The following DNASE1 variants were observed in gnomAD, a reference collection of about 807,000 sequenced individuals.
DNASE1 encodes the protein deoxyribonuclease 1, also known as deoxyribonuclease-1.
In DNASE1, 40 loss-of-function variants were observed where a neutral mutation model predicts 33.9. That is an observed-to-expected ratio of 1.18 (90% confidence interval 0.92 to 1.54). DNASE1 has a LOEUF of 1.54. Among genes scored for constraint, DNASE1 ranks in the 40% most tolerant of loss-of-function variants. The pLI is 0.00. For synonymous variants in DNASE1, 216 were observed against 160.0 expected (o/e 1.35, Z -2.64); for missense variants, 518 against 372.6 (o/e 1.39, Z -3.21).
chr16:3,660,737 G>T (rs2043025248), downstream of DNASE1: 1 of 152,060 alleles, frequency 6.6e-6, no homozygotes, highest in South Asian at 2.1e-4. Flanking sequence ...AATGACAAAA[G>T]AAAAAAACTA....
chr16:3,659,631 C>T (rs894759646), downstream of DNASE1: 15 of 152,154 alleles, frequency 9.9e-5, no homozygotes, highest in Admixed American at 2.6e-4. Context: ...CTCTGGGGAA[C>T]TGTAAATTTG....
At chr16:3,612,916 C>G (rs1052192745) in intron 1 of DNASE1, among the ~76,000 whole-genome samples, 3 of 152,110 alleles carry the variant, frequency 2.0e-5, no homozygotes, top group Admixed American at 2.0e-4. Context: ...AGTAGTGTGC[C>G]TCCAGTCACT....
At chr16:3,643,944 G>C (rs1401514586) in intron 1 of DNASE1, among the ~76,000 whole-genome samples, 1 of 151,752 alleles carries the variant, frequency 6.6e-6, no homozygotes, top group Non-Finnish European at 1.5e-5. Context: ...TGTATTTTTA[G>C]TAGAGATGGG....
chr16:3,657,943 T>C lies in DNASE1; in HGVS notation c.839T>C (p.Met280Thr), dbSNP rs1382112925. 6.2e-7 allele frequency: 1 copy of C among 1,613,982 alleles called. No homozygotes were observed. Among genetic ancestry groups the C allele is most frequent in the Non-Finnish European group, 8.5e-7 (1 of 1,179,998 alleles). The part of the protein sequence containing the change: ...AISDHYPVEV[M>T]LK ...AGTGACCACTATCCAGTGGAGGTGA[T>C]GCTGAAGTGAGCAGCCCCTCCCCAC... Residue 280 changes from methionine to threonine, a missense_variant, in exon 9 of 9, where the codon ATG (methionine) becomes ACG (threonine). Transcript: ENST00000246949.
downstream of DNASE1, chr16:3,658,751 G>A (rs1181966883): frequency 5.1e-6 from 8 of 1,580,954 alleles, no homozygotes; most frequent in Admixed American, 1.7e-5. Context: ...GGCAGGGCTG[G>A]TAGCCTGGGT....
downstream of DNASE1, chr16:3,661,360 G>C (rs1393869790): frequency 1.3e-5 from 2 of 151,954 alleles, no homozygotes; most frequent in African/African-American, 4.8e-5. Context: ...GAAATCTTAC[G>C]GCTCAGCCAC....
At chr16:3,638,540 G>A (rs561907264), upstream of DNASE1, among the ~76,000 whole-genome samples, 3 of 152,164 alleles carry the variant, frequency 2.0e-5, no homozygotes, top group Admixed American at 1.3e-4. Context: ...GTGTTTCACC[G>A]TGTTAGCCAG....
At chr16:3,631,057 C>T (rs2041681021) in intron 1 of DNASE1, among the ~76,000 whole-genome samples, 1 of 152,012 alleles carries the variant, frequency 6.6e-6, no homozygotes, top group South Asian at 2.1e-4. Context: ...TGGAGTTTTG[C>T]TGTCACCCAG....
At chr16:3,663,874 C>T (rs536942957) in exon 10 of DNASE1, 1 of 378,918 alleles carries the variant, frequency 2.6e-6, no homozygotes, top group Non-Finnish European at 4.8e-6. Context: ...GAGTTCGAGA[C>T]CAACATGGTG....
Position 3,655,879 on chromosome 16 carries a change from C to T in DNASE1, c.178C>T (p.Gln60Ter). 3 of 1,613,986 alleles carry T rather than the reference C, an allele frequency of 1.9e-6. No individual in the cohort carries two copies. Among genetic ancestry groups the T allele is most frequent in the South Asian group, 1.1e-5 (1 of 91,086 alleles). The change falls in exon 3 of 9, where the codon CAG (glutamine) becomes TAG (stop). Residue 60 changes from glutamine to a stop codon, truncating the protein, a stop_gained. Transcript: ENST00000246949. LOFTEE classifies it high-confidence loss of function. Reference sequence around the variant, plus strand: ...GAGCCGCTATGACATCGCCCTGGTCCAGGAGGTCAGAGACAGCCACCTGAC... The same window carrying T: ...GAGCCGCTATGACATCGCCCTGGTCTAGGAGGTCAGAGACAGCCACCTGAC... Reference protein sequence around the residue: ...ILSRYDIALVQEVRDSHLTAV... With the variant: ...ILSRYDIALV
At chr16:3,657,376 G>T in intron 7 of DNASE1, 35 bp downstream of exon 7, 2 of 1,607,316 alleles carry the variant, frequency 1.2e-6, no homozygotes, top group East Asian at 2.2e-5. Context: ...CAGACTGAGG[G>T]CACCTCCAAG....
intron 1 of DNASE1, among the ~76,000 whole-genome samples, chr16:3,634,190 G>GTTTGTT (rs1253149570): frequency 1.3e-5 from 2 of 151,782 alleles, no homozygotes; most frequent in Non-Finnish European, 2.9e-5. Flanking sequence ...ATTGTTGCGG[G>GTTTGTT]TTTGTTTTTG....
chr16:3,637,095 G>A (rs545801676), intron 1 of DNASE1, among the ~76,000 whole-genome samples: 22 of 151,534 alleles, frequency 1.5e-4, no homozygotes, highest in Non-Finnish European at 2.9e-4. Context: ...GTGCACTCCT[G>A]CCTGGGTGAC....
intron 1 of DNASE1, among the ~76,000 whole-genome samples, chr16:3,627,937 CAAAAAAAAAAAA>C (rs55920324): frequency 6.2e-5 from 5 of 80,402 alleles, no homozygotes; most frequent in Non-Finnish European, 9.3e-5. Flanking sequence ...TCTATTTCTG[CAAAAAAAAAAAA>C]AAAAAAAAAA....
At chr16:3,653,841 A>AAAAAAAAAAAAAAAAAATG (rs781310896), upstream of DNASE1, 3 of 125,056 alleles carry the variant, frequency 2.4e-5, 1 homozygote, top group Non-Finnish European at 3.4e-5. Context: ...AAAAAAAAAA[A>AAAAAAAAAAAAAAAAAATG]CTGAGCATGG....
intron 1 of DNASE1, among the ~76,000 whole-genome samples, chr16:3,619,634 T>A (rs1197093168): frequency 6.6e-6 from 1 of 152,118 alleles, no homozygotes; most frequent in Non-Finnish European, 1.5e-5. Context: ...GTGCTGGGAT[T>A]ACAGGCATGA....
chr16:3,658,698 CAGGATTTT>C (rs2151230716), downstream of DNASE1: 3 of 1,143,904 alleles, frequency 2.6e-6, no homozygotes, highest in Admixed American at 2.4e-5. Context: ...AACAAAAAGA[CAGGATTTT>C]AGAGGAAACC....
rs2042743739 is a variant in DNASE1 at position 3,657,405 on chromosome 16, G to A, written c.704+64G>A. ...CTCCAAGGGCAGCCGTGACTCATAG[G>A]TCGGGCTTCAGAAGCCTCAAAGCCT... On this transcript the variant is annotated intron_variant, in intron 7 of 8. Transcript: ENST00000246949. The A allele has an allele frequency of 8.8e-6, 14 of 1,592,722 alleles. 1 individual carries two copies. In the South Asian group the frequency reaches 1.2e-4, roughly 14 times the overall value.
chr16:3,619,380 G>C (rs1215604790), intron 1 of DNASE1, among the ~76,000 whole-genome samples: 1 of 146,834 alleles, frequency 6.8e-6, no homozygotes, highest in Non-Finnish European at 1.5e-5. Context: ...TTTTTTTTTG[G>C]AGACAGAGTC....
Sources: gnomAD v4.1 joint callset for allele counts (sites outside exome capture counted in the v4.1 genomes callset) on GRCh38, gnomAD v4.1.1 for gene constraint, MANE v1.5 for transcripts, NCBI Gene and HGNC (gene_info 2026-07-23, HGNC 2026-07-21) for gene names.